The following PDGFRB variants were observed in gnomAD, a reference collection of about 807,000 sequenced individuals.
PDGFRB encodes the protein platelet derived growth factor receptor beta.
A neutral mutation model predicts 120.2 loss-of-function variants in PDGFRB; 42 were observed. The observed-to-expected ratio is 0.35, with a 90% CI of 0.27 to 0.45. PDGFRB has a LOEUF of 0.45. Ranked by LOEUF, PDGFRB falls within the 20% of genes least tolerant of loss-of-function variation. The probability of loss-of-function intolerance (pLI) is 1.00; values close to 1 mark genes in which losing one functional copy is unlikely to be tolerated. For synonymous variants in PDGFRB, 586 were observed against 606.8 expected, an observed-to-expected ratio of 0.97 and a Z score of 0.50; for missense variants, 1,149 against 1,476.3, an observed-to-expected ratio of 0.78 and a Z score of 3.63.
intron 22 of PDGFRB, among the ~76,000 whole-genome samples, chr5:150,117,024 A>G (rs563655148): frequency 9.2e-5 from 14 of 152,278 alleles, no homozygotes; most frequent in Non-Finnish European, 1.9e-4. Context: ...TTAAGGGGAG[A>G]TCCTGCGTGG....
chr5:150,113,857 G>C lies in PDGFRB; in HGVS notation c.*1906C>G. On this transcript the variant is annotated 3_prime_UTR_variant, in exon 23 of 23. Coordinates refer to ENST00000261799, the MANE Select transcript of PDGFRB (RefSeq NM_002609.4). ...CAAAGTCTGTGAGTGAGAAGCACCA[G>C]GTTTAATATTAAAATCTTTCCCTTA... 1 of 230,552 alleles carries C rather than the reference G, an allele frequency of 4.3e-6. No individual in the cohort carries two copies. Among genetic ancestry groups the C allele is most frequent in the Non-Finnish European group, 8.6e-6 (1 of 116,268 alleles). The allele number at this position is 230,552 out of a possible 1,614,324, so 14.3% of individuals were successfully genotyped here.
chr5:150,124,898 C>T, intron 12 of PDGFRB, 67 bp from the exon 13 acceptor site: 3 of 728,354 alleles, frequency 4.1e-6, no homozygotes, highest in Admixed American at 2.5e-5. Context: ...CAGCTGCCCC[C>T]CTCCCCCCAC....
chr5:150,153,216 C>T (rs919747021), intron 1 of PDGFRB, among the ~76,000 whole-genome samples: 7 of 152,242 alleles, frequency 4.6e-5, no homozygotes, highest in African/African-American at 1.7e-4. Context: ...CCCAGCTCTT[C>T]TTCCCGCAGA....
At position 150,134,913 on chromosome 5, in the gene PDGFRB, C is replaced by G. The variant is rs749696896; in HGVS notation, c.468G>C (p.Leu156=). ...CTTTCTTCTCGTGCAGTGTCACCAC[C>G]AGCTGTGGGTCTGTTACTCGGCATG... ...TIPCRVTDPQ[L]VVTLHEKKGD... is the part of the protein sequence containing the mutation. The change falls in exon 4 of 23, where the codon CTG becomes CTC. Residue 156 remains leucine, a synonymous_variant. Transcript: ENST00000261799. 6.2e-7 allele frequency: 1 copy of G among 1,613,848 alleles called. No homozygotes were observed.
intron 1 of PDGFRB, among the ~76,000 whole-genome samples, chr5:150,139,710 G>A (rs1371272572): frequency 6.6e-6 from 1 of 152,076 alleles, no homozygotes; most frequent in African/African-American, 2.4e-5. Flanking sequence ...GGCTGGGCAT[G>A]GTGGCTCATG....
chr5:150,129,677 G>A lies in PDGFRB; in HGVS notation c.1579+80C>T. On this transcript the variant is annotated intron_variant, in intron 10 of 22. Transcript: ENST00000261799. ...ATGCTAACTCCTTTGGCCTGCTGTG[G>A]GTACATGGGCACATTACCAATTAGG... The A allele has an allele frequency of 3.3e-6, 4 of 1,199,314 alleles. No individual in the cohort carries two copies. The Admixed American group carries it at 5.6e-5, about 17-fold the overall frequency. The allele number at this position is 1,199,314 out of a possible 1,614,324, so 74.3% of individuals were successfully genotyped here.
intron 1 of PDGFRB, among the ~76,000 whole-genome samples, chr5:150,147,964 C>T (rs1385187679): frequency 1.3e-5 from 2 of 152,296 alleles, no homozygotes; most frequent in East Asian, 3.9e-4. Context: ...CAAGACTCCA[C>T]GGGACTAGGC....
chr5:150,130,936 C>T (rs1760449436), intron 8 of PDGFRB, among the ~76,000 whole-genome samples: 1 of 152,174 alleles, frequency 6.6e-6, no homozygotes. Flanking sequence ...GCCTCAAGCT[C>T]AGAACCCTGG....
rs1370875302 is a variant in PDGFRB, at chr5:150,114,597, T to C, written c.*1166A>G. On this transcript the variant is annotated 3_prime_UTR_variant, in exon 23 of 23. Transcript: ENST00000261799. ...TAAGTCAAGGCCTGTGCAGCTGTGTTCTTGAGACTTGCTGGGGGCCTGGGG... is the reference window on the plus strand; with the variant it reads ...TAAGTCAAGGCCTGTGCAGCTGTGTCCTTGAGACTTGCTGGGGGCCTGGGG... 6.0e-5 allele frequency: 14 copies of C among 233,318 alleles called. No individual in the cohort carries two copies. Among genetic ancestry groups the C allele is most frequent in the Non-Finnish European group, 8.5e-5 (10 of 117,952 alleles). 14.5% of individuals were successfully genotyped at this position (233,318 alleles called of 1,614,324 possible).
chr5:150,129,690 A>G (rs1016293608), intron 10 of PDGFRB, 67 bp downstream of exon 10: 9 of 1,354,814 alleles, frequency 6.6e-6, no homozygotes, highest in Admixed American at 1.8e-5. Flanking sequence ...ACATGGGCAC[A>G]TTACCAATTA....
chr5:150,126,446 G>A, intron 11 of PDGFRB, 74 bp downstream of exon 11: 3 of 844,418 alleles, frequency 3.6e-6, no homozygotes, highest in South Asian at 1.3e-5. Context: ...AGCATTCAAG[G>A]AGGGCAGAGG....
chr5:150,141,482 C>T (rs1320329007), intron 1 of PDGFRB, among the ~76,000 whole-genome samples: 6 of 152,308 alleles, frequency 3.9e-5, no homozygotes, highest in African/African-American at 1.4e-4. Flanking sequence ...CATTTAATAA[C>T]TGGGCTAGGA....
chr5:150,127,431 T>A (rs953604026), intron 10 of PDGFRB, among the ~76,000 whole-genome samples: 2 of 152,108 alleles, frequency 1.3e-5, no homozygotes, highest in Non-Finnish European at 2.9e-5. Flanking sequence ...TCCCACCTCC[T>A]CCTCCCCATC....
At chr5:150,128,790 G>A (rs749786304) in intron 10 of PDGFRB, among the ~76,000 whole-genome samples, 2 of 152,210 alleles carry the variant, frequency 1.3e-5, no homozygotes, top group African/African-American at 2.4e-5. Flanking sequence ...TGGTGATCCC[G>A]GAGGGAATTG....
intron 1 of PDGFRB, among the ~76,000 whole-genome samples, chr5:150,148,173 C>G (rs1366589191): frequency 6.6e-6 from 1 of 152,226 alleles, no homozygotes; most frequent in Non-Finnish European, 1.5e-5. Flanking sequence ...CCAGACCCAT[C>G]TAATCACCAC....
chr5:150,128,018 C>T (rs1760348311), intron 10 of PDGFRB, among the ~76,000 whole-genome samples: 3 of 152,066 alleles, frequency 2.0e-5, no homozygotes, highest in African/African-American at 7.2e-5. Context: ...CTCGCCATGC[C>T]TTCCTCCTCA....
rs751710341 is a variant in PDGFRB at position 150,123,155 on chromosome 5, C to T, written c.2070G>A (p.Val690=). The T allele has an allele frequency of 1.4e-5, 23 of 1,613,720 alleles. No homozygotes were observed. The Admixed American group carries it at 3.0e-4, about 21-fold the overall frequency. The change falls in exon 15 of 23, where the codon GTG becomes GTA. Residue 690 remains valine (V), a synonymous_variant. Coordinates refer to ENST00000261799, the MANE Select transcript of PDGFRB (RefSeq NM_002609.4). The part of the protein sequence containing the change: ...ITEYCRYGDL[V]DYLHRNKHTF... ...TGTGTTTGTTGCGGTGCAGGTAGTC[C>T]ACCAGGTCTCCGTAGCGGCAGTACT...
In PDGFRB at chr5:150,115,791, C is replaced by G. The variant is rs151236133; in HGVS notation, c.3293G>C (p.Arg1098Pro). 6.2e-7 allele frequency: 1 copy of G among 1,610,678 alleles called. No homozygotes were observed. The highest frequency in any genetic ancestry group is 1.3e-5 in the African/African-American group (1 of 74,912). ...CAGGAAGCTATCCTCTGCTTCCGCC[C>G]GAGGCGCAGGGCACCCCGAATCCGG... is the stretch of plus-strand genomic sequence containing the variant. Reference protein sequence around the residue: ...QLPDSGCPAPRAEAEDSFL With the variant: ...QLPDSGCPAPPAEAEDSFL The change falls in exon 23 of 23, where the codon CGG becomes CCG. Residue 1098 changes from arginine to proline, a missense_variant. Physicochemically the swap from Arg to Pro is moderately radical, Grantham distance 103. Around this residue, in one of 3 missense-constraint regions of PDGFRB, gnomAD observed 202 missense variants for 214.3 expected, o/e 0.94. Coordinates refer to ENST00000261799, the MANE Select transcript of PDGFRB (RefSeq NM_002609.4).
In PDGFRB at chr5:150,123,099, C is replaced by T. The variant is rs759436020; in HGVS notation, c.2126G>A (p.Arg709His). ...TFLQHHSDKR[R>H]PPSAELYSNA... is the part of the protein sequence containing the mutation. ...GCTGTAGAGCTCCGCGCTGGGCGGG[C>T]GGCGCTTGTCGGAGTGGTGCTGCAG... The change falls in exon 15 of 23, where the codon CGC becomes CAC. Residue 709 changes from arginine to histidine, a missense_variant. This residue lies in a region of PDGFRB where 879 missense variants were observed against 1,108.6 expected (regional missense o/e 0.79). Transcript: ENST00000261799. 7.4e-5 allele frequency: 120 copies of T among 1,613,794 alleles called. 1 individual carries two copies. Among genetic ancestry groups the T allele is most frequent in the Non-Finnish European group, 9.4e-5 (111 of 1,179,998 alleles).
Sources: allele counts gnomAD v4.1 joint callset (sites outside exome capture counted in the v4.1 genomes callset), GRCh38; gene constraint gnomAD v4.1.1; regional missense constraint gnomAD v4.1.1; transcripts MANE v1.5; gene names NCBI Gene and HGNC (gene_info 2026-07-23, HGNC 2026-07-21).